Variants in BRWD3 observed in about 807,000 individuals in gnomAD.
BRWD3 encodes the protein bromodomain and WD repeat domain containing 3, also known as bromodomain and WD repeat-containing protein 3.
A neutral mutation model predicts 149.7 loss-of-function variants in BRWD3; 10 were observed. The ratio of observed to expected loss-of-function variants is 0.07; its 90% confidence interval spans 0.04 to 0.11. BRWD3 has a LOEUF of 0.11. Among genes scored for constraint, BRWD3 ranks in the 10% least tolerant of loss-of-function variants. The pLI is 1.00. For missense variants in BRWD3, 940 were observed against 1,373.2 expected, an observed-to-expected ratio of 0.68 and a Z score of 4.99; for synonymous variants, 504 against 456.7, an observed-to-expected ratio of 1.10 and a Z score of -1.32.
Position 80,716,167 on chromosome X carries a change from G to A in BRWD3, c.2315C>T (p.Thr772Ile), listed in dbSNP as rs1194724264. Reference protein sequence around the residue: ...TVEKKKKPSYTTQRNDYEPSC... With the variant: ...TVEKKKKPSYITQRNDYEPSC... ...TAAAACTATACTTACCCTTTGAGTA[G>A]TGTAAGATGGCTTTTTCTTCTTTTC... Residue 772 changes from threonine (T) to isoleucine (I), a missense_variant, in exon 20 of 41, where the codon ACT (threonine) becomes ATT (isoleucine). Thr to Ile is a moderately conservative substitution (Grantham distance 89). This residue lies in a region of BRWD3 where 103 missense variants were observed against 103.2 expected (regional missense o/e 1.00). Coordinates refer to ENST00000373275, the MANE Select transcript of BRWD3 (RefSeq NM_153252.5). 3.8e-5 allele frequency: 46 copies of A among 1,199,648 alleles called. No homozygotes were observed. Among genetic ancestry groups the A allele is most frequent in the Non-Finnish European group, 5.0e-5 (44 of 886,456 alleles).
chrX:80,766,927 C>T (rs752034656), intron 6 of BRWD3, among the ~76,000 whole-genome samples: 12 of 112,200 alleles, frequency 1.1e-4, no homozygotes, highest in Admixed American at 1.9e-4. Flanking sequence ...GCTTTCCCAA[C>T]GGTCTTAGCA....
chrX:80,699,109 G>A (rs1339144160), intron 25 of BRWD3, among the ~76,000 whole-genome samples: 1 of 109,287 alleles, frequency 9.2e-6, no homozygotes, highest in African/African-American at 3.3e-5. Flanking sequence ...CAGCTACTCA[G>A]GAGGCTGAGG....
chrX:80,693,293 A>G (rs887108256), intron 27 of BRWD3, among the ~76,000 whole-genome samples: 1 of 112,192 alleles, frequency 8.9e-6, no homozygotes. Flanking sequence ...AAATACTACC[A>G]AGCATAATTT....
intron 21 of BRWD3, among the ~76,000 whole-genome samples, chrX:80,708,527 T>C (rs1308419005): frequency 2.9e-5 from 3 of 105,166 alleles, no homozygotes. Flanking sequence ...TTAAGAACTG[T>C]GAATGGGGCC....
intron 24 of BRWD3, among the ~76,000 whole-genome samples, chrX:80,700,876 T>C (rs1005981788): frequency 1.8e-5 from 2 of 111,439 alleles, no homozygotes; most frequent in African/African-American, 3.3e-5. Context: ...TATAGGAGGA[T>C]GTACATAGGT....
In BRWD3 at chrX:80,709,597, T is replaced by C; in HGVS notation, c.2326-20A>G. The C allele has an allele frequency of 2.5e-6, 3 of 1,196,466 alleles. No individual in the cohort carries two copies. Among genetic ancestry groups the C allele is most frequent in the East Asian group, 3.0e-5 (1 of 33,098 alleles). On this transcript the variant is annotated intron_variant, in intron 20 of 40. Coordinates refer to ENST00000373275, the MANE Select transcript of BRWD3 (RefSeq NM_153252.5). ...ATCATTCTGTAAAAGAGAAGAATAA[T>C]AAATTTTAAAAAAGGAAAAGCTCAG...
chrX:80,755,651 G>A (rs1369492137), intron 6 of BRWD3, among the ~76,000 whole-genome samples: 1 of 111,383 alleles, frequency 9.0e-6, no homozygotes, highest in Non-Finnish European at 1.9e-5. Context: ...GGACATAACT[G>A]ATTAGCAAAA....
chrX:80,746,713 G>C (rs1416936249), intron 6 of BRWD3: 1 of 215,727 alleles, frequency 4.6e-6, no homozygotes, highest in Non-Finnish European at 6.7e-6. Flanking sequence ...AATGAAAATA[G>C]CTTCATGTTC....
intron 6 of BRWD3, among the ~76,000 whole-genome samples, chrX:80,779,502 C>A (rs751227669): frequency 9.1e-6 from 1 of 109,823 alleles, no homozygotes; most frequent in Non-Finnish European, 1.9e-5. Context: ...CAAAGCAGAT[C>A]GCTTGAGGTC....
rs376330443 is a variant in BRWD3, at chrX:80,682,123, AT to A, written c.4398-30del. On this transcript the variant is annotated intron_variant, in intron 38 of 40. Coordinates refer to ENST00000373275, the MANE Select transcript of BRWD3 (RefSeq NM_153252.5). ...GAAGTAAAAATATGTAACAACGAGC[AT>A]TTTTTTTTTTCTGTTAGCAACATAT... is the stretch of plus-strand genomic sequence containing the variant. 109,035 of 833,165 alleles carry A rather than the reference AT, an allele frequency of 0.13. 3,271 individuals are homozygous for A. The highest frequency in any genetic ancestry group is 0.23 in the South Asian group (8,122 of 35,327). 68.7% of individuals were successfully genotyped at this position (833,165 alleles called of 1,213,427 possible).
At chrX:80,809,371 GA>G in intron 1 of BRWD3, 67 bp from the exon 2 acceptor site, 1 of 1,141,050 alleles carries the variant, frequency 8.8e-7, no homozygotes, top group Non-Finnish European at 1.2e-6. Flanking sequence ...TTTTTCAAAA[GA>G]AACTGACAGC....
chrX:80,722,880 A>G (rs2073169905), intron 16 of BRWD3, 93 bp from the exon 17 acceptor site: 1 of 820,096 alleles, frequency 1.2e-6, no homozygotes, highest in South Asian at 2.2e-5. Flanking sequence ...TTTTTAAATC[A>G]GAGAATCTTT....
Position 80,703,504 on chromosome X carries a change from T to C in BRWD3, c.2811A>G (p.Pro937=). 1.7e-6 allele frequency: 2 copies of C among 1,204,428 alleles called. No homozygotes were observed. Among genetic ancestry groups the C allele is most frequent in the Non-Finnish European group, 2.2e-6 (2 of 890,850 alleles). ...WILDTIPRRS[P]FVPQMGDELI... ...CCTCATCTCCCATTTGTGGGACAAA[T>C]GGGGAACGTCGGGGTATAGTATCCA... Residue 937 remains proline, a synonymous_variant, in exon 24 of 41, where the codon CCA becomes CCG. Transcript: ENST00000373275.
At chrX:80,685,022 C>G (rs1463873705) in intron 36 of BRWD3, among the ~76,000 whole-genome samples, 1 of 110,971 alleles carries the variant, frequency 9.0e-6, no homozygotes, top group Non-Finnish European at 1.9e-5. Flanking sequence ...GACAAACGTT[C>G]TAAATATATC....
chrX:80,798,522 T>C (rs769863318), intron 4 of BRWD3, among the ~76,000 whole-genome samples: 2 of 111,463 alleles, frequency 1.8e-5, no homozygotes, highest in South Asian at 7.5e-4. Context: ...TTAACTACAT[T>C]TATCTCTCTG....
chrX:80,711,642 GCTT>G (rs957613536), intron 20 of BRWD3, among the ~76,000 whole-genome samples: 5 of 111,814 alleles, frequency 4.5e-5, no homozygotes, highest in African/African-American at 1.3e-4. Context: ...CTACCTAGAG[GCTT>G]CTTCTGCGTA....
intron 27 of BRWD3, among the ~76,000 whole-genome samples, chrX:80,695,105 C>T (rs2072666443): frequency 9.0e-6 from 1 of 111,193 alleles, no homozygotes; most frequent in Admixed American, 9.6e-5. Context: ...TTCACAAGAT[C>T]TGATGGTTTA....
chrX:80,729,957 T>C lies in BRWD3; in HGVS notation c.1191A>G (p.Glu397=), dbSNP rs1468493073. ...TARIWQYQQQ[E]WKSIVLDMAT... ...CCATGTCTAGCACTATACTCTTCCA[T>C]TCTTGTTGCTGATACTGCCAAATTC... The change falls in exon 13 of 41, where the codon GAA becomes GAG. Residue 397 remains glutamate, a synonymous_variant. Coordinates refer to ENST00000373275, the MANE Select transcript of BRWD3 (RefSeq NM_153252.5). The C allele has an allele frequency of 1.7e-6, 2 of 1,207,651 alleles. No individual in the cohort carries two copies. The highest frequency in any genetic ancestry group is 2.2e-6 in the Non-Finnish European group (2 of 891,664).
In BRWD3 at chrX:80,736,327, T is replaced by TA. The variant is rs1470467466; in HGVS notation, c.814-240dup. On this transcript the variant is annotated intron_variant, in intron 8 of 40. Coordinates refer to ENST00000373275, the MANE Select transcript of BRWD3 (RefSeq NM_153252.5). ...AACTTAGGGTAAAATGTTTTAGTTA[T>TA]AAAAAAATTACTTTTAAATTATTTA... Among the ~76,000 whole-genome samples, 4 of 111,788 alleles carry TA rather than the reference T, an allele frequency of 3.6e-5. No homozygotes were observed. The South Asian group carries it at 1.1e-3, about 31-fold the overall frequency.
Sources: gnomAD v4.1 joint callset for allele counts (sites outside exome capture counted in the v4.1 genomes callset) on GRCh38, gnomAD v4.1.1 for gene constraint, gnomAD v4.1.1 regional missense constraint, MANE v1.5 for transcripts, NCBI Gene and HGNC (gene_info 2026-07-23, HGNC 2026-07-21) for gene names.